Variants in PKHD1 observed in about 807,000 individuals in gnomAD.
PKHD1 encodes the protein PKHD1 ciliary IPT domain containing fibrocystin/polyductin, also known as fibrocystin.
In PKHD1, 291 loss-of-function variants were observed where a neutral mutation model predicts 412.0. The ratio of observed to expected loss-of-function variants is 0.71; its 90% CI spans 0.64 to 0.78. PKHD1 has a LOEUF of 0.78. Ranked by LOEUF, PKHD1 falls within the 30% of genes least tolerant of loss-of-function variation. The probability of loss-of-function intolerance (pLI) is 0.00; values close to 1 mark genes in which losing one functional copy is unlikely to be tolerated. For missense variants in PKHD1, 4,825 were observed against 4,950.7 expected (o/e 0.97, Z 0.76); for synonymous variants, 1,777 against 1,821.5 (o/e 0.98, Z 0.62).
At chr6:51,623,557 T>C (rs1351707911) in intron 66 of PKHD1, among the ~76,000 whole-genome samples, 1 of 152,114 alleles carries the variant, frequency 6.6e-6, no homozygotes, top group Non-Finnish European at 1.5e-5. Context: ...ATCATTGTCC[T>C]CCTAATTTGT....
chr6:51,653,353 G>A (rs758297142), intron 61 of PKHD1, among the ~76,000 whole-genome samples: 7 of 152,084 alleles, frequency 4.6e-5, no homozygotes, highest in Non-Finnish European at 1.0e-4. Flanking sequence ...CTTATGATCT[G>A]ACGGTTTTTT....
intron 60 of PKHD1, among the ~76,000 whole-genome samples, chr6:51,704,347 G>T (rs1232647648): frequency 6.6e-6 from 1 of 152,040 alleles, no homozygotes; most frequent in Admixed American, 6.6e-5. Context: ...CACATCAAAT[G>T]TTATACCAAT....
chr6:51,995,698 T>G (rs1797638430), intron 35 of PKHD1, among the ~76,000 whole-genome samples: 2 of 152,260 alleles, frequency 1.3e-5, no homozygotes, highest in African/African-American at 4.8e-5. Context: ...TATTATCACA[T>G]GATTATATTT....
chr6:51,911,573 C>T (rs1782942592), intron 39 of PKHD1, among the ~76,000 whole-genome samples: 1 of 152,046 alleles, frequency 6.6e-6, no homozygotes, highest in Non-Finnish European at 1.5e-5. Context: ...TATTTTATTT[C>T]TTTTGTCTTT....
At chr6:51,851,990 T>C (rs1020107441) in intron 49 of PKHD1, among the ~76,000 whole-genome samples, 1 of 152,196 alleles carries the variant, frequency 6.6e-6, no homozygotes, top group Non-Finnish European at 1.5e-5. Context: ...CTTTTAATTG[T>C]GATGTTAGGG....
At chr6:51,853,029 T>C (rs1381185036) in intron 49 of PKHD1, among the ~76,000 whole-genome samples, 1 of 152,204 alleles carries the variant, frequency 6.6e-6, no homozygotes, top group Non-Finnish European at 1.5e-5. Context: ...TTTTGGTGTG[T>C]TTTTATAGTG....
rs1050485386 is a variant in PKHD1 at position 51,619,350 on chromosome 6, C to A, written c.11956G>T (p.Ala3986Ser). Residue 3986 changes from alanine (A) to serine (S), a missense_variant, in exon 67 of 67, where the codon GCT (alanine) becomes TCT (serine). Ala to Ser is a moderately conservative substitution (Grantham distance 99, BLOSUM62 1). Transcript: ENST00000371117. ...TSHGHICAPG[A>S]PAQQVYLQET... ...TGCAGGTACACCTGCTGAGCAGGAG[C>A]ACCTGGAGCACAGATGTGCCCATGG... 6.2e-7 allele frequency: 1 copy of A among 1,614,202 alleles called. No homozygotes were observed. Among genetic ancestry groups the A allele is most frequent in the Non-Finnish European group, 8.5e-7 (1 of 1,180,012 alleles).
At chr6:52,031,108 T>C (rs1358426350) in intron 29 of PKHD1, among the ~76,000 whole-genome samples, 1 of 152,256 alleles carries the variant, frequency 6.6e-6, no homozygotes, top group Non-Finnish European at 1.5e-5. Context: ...TGTCAATTCC[T>C]GGACCAGGTA....
chr6:52,008,188 A>G (rs1488909187), intron 35 of PKHD1, among the ~76,000 whole-genome samples: 1 of 152,104 alleles, frequency 6.6e-6, no homozygotes, highest in Admixed American at 6.5e-5. Flanking sequence ...TTCCCCCACA[A>G]TGACTATAGC....
At chr6:51,669,027 C>T (rs2150485451) in intron 60 of PKHD1, among the ~76,000 whole-genome samples, 1 of 152,288 alleles carries the variant, frequency 6.6e-6, no homozygotes, top group African/African-American at 2.4e-5. Context: ...TGTGTCTCTG[C>T]CCAGCTTTGG....
chr6:51,699,585 C>T (rs534229311), intron 60 of PKHD1, among the ~76,000 whole-genome samples: 1 of 152,152 alleles, frequency 6.6e-6, no homozygotes, highest in African/African-American at 2.4e-5. Context: ...AGGTAAACAA[C>T]CTGGACCAGG....
chr6:52,009,022 C>A (rs532470154), intron 35 of PKHD1, among the ~76,000 whole-genome samples: 2 of 152,162 alleles, frequency 1.3e-5, no homozygotes, highest in Non-Finnish European at 2.9e-5. Flanking sequence ...GCAGTCTCAG[C>A]GCACTACAAT....
intron 35 of PKHD1, among the ~76,000 whole-genome samples, chr6:52,006,063 G>T (rs1799005011): frequency 6.6e-6 from 1 of 150,684 alleles, no homozygotes; most frequent in Non-Finnish European, 1.5e-5. Context: ...AACACATCAG[G>T]ACCTCAAATT....
Position 51,663,261 on chromosome 6 carries a change from T to C in PKHD1, c.10157-3292A>G, listed in dbSNP as rs577047948. ...TACACATTTTTTTCAGCCATGCTGATGTTATTGATTAATCACTCACATTCC... is the reference window on the plus strand; with the variant it reads ...TACACATTTTTTTCAGCCATGCTGACGTTATTGATTAATCACTCACATTCC... On this transcript the variant is annotated intron_variant, in intron 60 of 66. Transcript: ENST00000371117. Among the ~76,000 whole-genome samples, 43 of 152,264 alleles carry C rather than the reference T, an allele frequency of 2.8e-4. No homozygotes were observed. The South Asian group carries it at 4.1e-3, about 15-fold the overall frequency.
chr6:52,058,381 G>A lies in PKHD1; in HGVS notation c.1454C>T (p.Thr485Ile). The A allele has an allele frequency of 6.2e-7, 1 of 1,614,164 alleles. No homozygotes were observed. Among genetic ancestry groups the A allele is most frequent in the South Asian group, 1.1e-5 (1 of 91,082 alleles). The stretch of plus-strand genomic sequence containing the variant: ...GATCTGGTGCTTCTCCCGTAGGTAA[G>A]TGGTGACCACATCAGGATTCAGCCA... ...NTWLNPDVVT[T>I]YLREKHQIRV... is the part of the protein sequence containing the mutation. The change falls in exon 16 of 67, where the codon ACT becomes ATT. Residue 485 changes from threonine to isoleucine, a missense_variant. By Grantham distance (89) the Thr-to-Ile change is moderately conservative. Transcript: ENST00000371117.
chr6:51,683,024 T>C (rs1776910151), intron 60 of PKHD1, among the ~76,000 whole-genome samples: 1 of 152,062 alleles, frequency 6.6e-6, no homozygotes, highest in African/African-American at 2.4e-5. Context: ...TAACTAGCAG[T>C]AATAAATAGG....
intron 60 of PKHD1, among the ~76,000 whole-genome samples, chr6:51,724,454 C>A (rs74468426): frequency 0.029 from 4,377 of 152,226 alleles, 202 homozygotes; most frequent in African/African-American, 0.1. Flanking sequence ...CCCACTCTTA[C>A]ACACATTAAT....
intron 60 of PKHD1, among the ~76,000 whole-genome samples, chr6:51,726,944 C>A (rs7356954): frequency 6.6e-6 from 1 of 152,110 alleles, no homozygotes; most frequent in Non-Finnish European, 1.5e-5. Flanking sequence ...GACTATAAAC[C>A]TTAGAAGCAG....
intron 38 of PKHD1, 141 bp from the exon 39 acceptor site, chr6:51,912,097 T>C (rs1783049297): frequency 4.1e-6 from 3 of 729,502 alleles, no homozygotes; most frequent in African/African-American, 1.8e-5. Context: ...TAGTGAACTA[T>C]AGACACAAGT....
Sources: allele counts gnomAD v4.1 joint callset (sites outside exome capture counted in the v4.1 genomes callset), GRCh38; gene constraint gnomAD v4.1.1; transcripts MANE v1.5; gene names NCBI Gene and HGNC (gene_info 2026-07-23, HGNC 2026-07-21).